RFX1: variants seen among roughly 807,000 people sequenced by gnomAD.
RFX1 encodes the protein regulatory factor X1.
A neutral mutation model predicts 119.6 loss-of-function variants in RFX1; 42 were observed. The ratio of observed to expected loss-of-function variants is 0.35; its 90% CI spans 0.27 to 0.45. The LOEUF is 0.45. Among genes scored for constraint, RFX1 ranks in the 20% least tolerant of loss-of-function variants. The pLI, the probability that RFX1 is intolerant of heterozygous loss-of-function variation, is 1.00. For missense variants in RFX1, 1,118 were observed against 1,368.1 expected, an observed-to-expected ratio of 0.82 and a Z score of 2.88; for synonymous variants, 628 against 618.5, an observed-to-expected ratio of 1.02 and a Z score of -0.23.
Position 13,968,770 on chromosome 19 carries a change from C to T in RFX1, c.1616+5G>A. 6.2e-7 allele frequency: 1 copy of T among 1,601,560 alleles called. No individual in the cohort carries two copies. The highest frequency in any genetic ancestry group is 8.5e-7 in the Non-Finnish European group (1 of 1,174,412). On this transcript the variant is annotated splice_donor_5th_base_variant and intron_variant, in intron 11 of 20. Transcript: ENST00000254325. The surrounding 1 kb of genome is among the most constrained non-coding windows in gnomAD (Gnocchi z 5.5). ...CCTGCCCTGGGTCCGGCCCTGCCTT[C>T]CTACCTCTGCTTCTGCGAGAAGGGC...
At chr19:13,994,014 C>T in intron 1 of RFX1, 119 bp from the exon 2 acceptor site, 1 of 650,954 alleles carries the variant, frequency 1.5e-6, no homozygotes, top group South Asian at 1.9e-5. Flanking sequence ...TGGAGATGTG[C>T]TTGGGTTCAT....
rs1016388005 is a variant in RFX1 at position 13,985,565 on chromosome 19, C to T, written c.320-1970G>A. ...ATCTGTCCAAGGTCAAATGCACCATCCACCGTGCAGGCCATGACGCAGGTT... is the reference window on the plus strand; with the variant it reads ...ATCTGTCCAAGGTCAAATGCACCATTCACCGTGCAGGCCATGACGCAGGTT... On this transcript the variant is annotated intron_variant, in intron 2 of 20. Transcript: ENST00000254325. The surrounding 1 kb of genome is among the most constrained non-coding windows in gnomAD (Gnocchi z 4.3). Among the ~76,000 whole-genome samples the T allele has an allele frequency of 2.0e-5, 3 of 152,240 alleles. No individual in the cohort carries two copies. The highest frequency in any genetic ancestry group is 4.4e-5 in the Non-Finnish European group (3 of 68,048).
intron 8 of RFX1, among the ~76,000 whole-genome samples, chr19:13,975,587 C>G (rs1974231733): frequency 6.6e-6 from 1 of 152,162 alleles, no homozygotes; most frequent in African/African-American, 2.4e-5. Flanking sequence ...CTATGTCTAC[C>G]ACACAAAGTG....
Position 13,990,819 on chromosome 19 carries a change from A to AG in RFX1, c.319+2705dup, listed in dbSNP as rs1402646509. Among the ~76,000 whole-genome samples, 1 of 151,622 alleles carries AG rather than the reference A, an allele frequency of 6.6e-6. No homozygotes were observed. Among genetic ancestry groups the AG allele is most frequent in the Non-Finnish European group, 1.5e-5 (1 of 67,854 alleles). On this transcript the variant is annotated intron_variant, in intron 2 of 20. Transcript: ENST00000254325. The surrounding 1 kb of genome is among the most constrained non-coding windows in gnomAD (Gnocchi z 4.1). ...GTGTCAGAGCGAGACTTTGTCTCAA[A>AG]GAAAAAAAAAAAAATTACCTGGGTG...
Position 13,973,025 on chromosome 19 carries a change from G to A in RFX1, c.1032C>T (p.Pro344=), listed in dbSNP as rs151085501. The stretch of plus-strand genomic sequence containing the variant: ...TGCTGGCCACCGCCTGGGAGGTGGC[G>A]GGGGTGCTGACCTGGGTGGCCGTGC... ...AAGTATQVST[P]ATSQAVASSG... Residue 344 remains proline (P), a synonymous_variant, in exon 9 of 21, where the codon CCC becomes CCT. Transcript: ENST00000254325. 6.4e-3 allele frequency: 10,213 copies of A among 1,601,348 alleles called. 45 individuals are homozygous for A. Among genetic ancestry groups the A allele is most frequent in the Non-Finnish European group, 7.7e-3 (9,054 of 1,179,794 alleles).
chr19:13,968,697 A>G lies in RFX1; in HGVS notation c.1617-17T>C. 1 of 1,612,128 alleles carries G rather than the reference A, an allele frequency of 6.2e-7. No homozygotes were observed. Among genetic ancestry groups the G allele is most frequent in the Middle Eastern group, 1.7e-4 (1 of 6,054 alleles). On this transcript the variant is annotated splice_polypyrimidine_tract_variant and intron_variant, in intron 11 of 20. Coordinates refer to ENST00000254325, the MANE Select transcript of RFX1 (RefSeq NM_002918.5). This position sits in a 1 kb window ranked among gnomAD's most constrained non-coding sequence, Gnocchi z 5.5. ...GGCTTGAGCCTGGAGTAGAATGGGC[A>G]GGTGGGCCGGCTGCTGGGGGCCGGC...
At chr19:13,978,734 T>G (rs1974335722) in intron 7 of RFX1, among the ~76,000 whole-genome samples, 3 of 150,568 alleles carry the variant, frequency 2.0e-5, no homozygotes, top group African/African-American at 7.3e-5. Flanking sequence ...CCCCCGCCCG[T>G]GCGTCCGCCA....
At position 13,994,922 on chromosome 19, in the gene RFX1, AT is replaced by A. The variant is rs1568481449; in HGVS notation, c.-52-1028del. Among the ~76,000 whole-genome samples, 375 of 99,466 alleles carry A rather than the reference AT, an allele frequency of 3.8e-3. 7 individuals are homozygous for A. Among genetic ancestry groups the A allele is most frequent in the African/African-American group, 0.013 (343 of 26,672 alleles). The allele number at this position is 99,466 out of a possible 152,430, so 65.3% of individuals were successfully genotyped here. A position where few individuals can be genotyped will look rare whatever the true frequency, so the allele number is the denominator to read the frequency against. ...TATATATATATATATATATATATAT[AT>A]ATATATATATATATAATCATTTTTT... On this transcript the variant is annotated intron_variant, in intron 1 of 20. Coordinates refer to ENST00000254325, the MANE Select transcript of RFX1 (RefSeq NM_002918.5).
intron 7 of RFX1, 78 bp downstream of exon 7, chr19:13,979,369 G>T: frequency 2.1e-6 from 2 of 934,652 alleles, no homozygotes; most frequent in Non-Finnish European, 1.6e-6. Context: ...CCTCCCTGCG[G>T]CCTCAGGGGC....
Position 13,993,763 on chromosome 19 carries a change from GGGCTGGGCTTGT to G in RFX1, c.69_80del (p.Ala25_Gln28del). On this transcript the variant is annotated inframe_deletion, in exon 2 of 21. Coordinates refer to ENST00000254325, the MANE Select transcript of RFX1 (RefSeq NM_002918.5). ...CTGGGGGTGGTGGCGGTGGCGGCTGGGGCTGGGCTTGTGGCGGGGCCTGTGGCGGCTGGGATG... is the reference window on the plus strand; with the variant it reads ...CTGGGGGTGGTGGCGGTGGCGGCTGGGGCGGGGCCTGTGGCGGCTGGGATG... The G allele has an allele frequency of 6.2e-7, 1 of 1,603,378 alleles. No homozygotes were observed. The highest frequency in any genetic ancestry group is 1.1e-5 in the South Asian group (1 of 89,942).
Position 13,965,509 on chromosome 19 carries a change from G to C in RFX1, c.2151C>G (p.Ser717Arg). 2 of 1,613,942 alleles carry C rather than the reference G, an allele frequency of 1.2e-6. No homozygotes were observed. The highest frequency in any genetic ancestry group is 8.5e-7 in the Non-Finnish European group (1 of 1,179,990). ...LTQAIRNFAK[S>R]LESWLTHAMV... is the part of the protein sequence containing the mutation. ...TGGCGTGGGTGAGCCAGCTCTCCAGGCTCTTGGCAAAGTTCCGGATCGCTT... is the reference window on the plus strand; with the variant it reads ...TGGCGTGGGTGAGCCAGCTCTCCAGCCTCTTGGCAAAGTTCCGGATCGCTT... Residue 717 changes from serine (S) to arginine (R), a missense_variant, in exon 16 of 21, where the codon AGC becomes AGG. Coordinates refer to ENST00000254325, the MANE Select transcript of RFX1 (RefSeq NM_002918.5). The surrounding 1 kb of genome is among the most constrained non-coding windows in gnomAD (Gnocchi z 4.7).
chr19:13,974,259 C>T (rs1395745635), intron 8 of RFX1, among the ~76,000 whole-genome samples: 1 of 152,220 alleles, frequency 6.6e-6, no homozygotes, highest in East Asian at 1.9e-4. Context: ...GAGAAGGCGA[C>T]GCTGTGATTG....
At chr19:13,984,129 A>G (rs1235132177) in intron 2 of RFX1, among the ~76,000 whole-genome samples, 1 of 152,162 alleles carries the variant, frequency 6.6e-6, no homozygotes, top group African/African-American at 2.4e-5. Flanking sequence ...GGGGACCACA[A>G]GGGGCTTGGA....
chr19:13,969,078 G>A lies in RFX1; in HGVS notation c.1497-184C>T, dbSNP rs8100309. Among the ~76,000 whole-genome samples the A allele has an allele frequency of 0.062, 9,513 of 152,308 alleles. 995 individuals are homozygous for A. The highest frequency in any genetic ancestry group is 0.21 in the African/African-American group (8,819 of 41,540). ...CTGTGGGTGTCAGGAGAGATCCAGCGGTTTGCCCAAGATTATGCATAAATG... is the reference window on the plus strand; with the variant it reads ...CTGTGGGTGTCAGGAGAGATCCAGCAGTTTGCCCAAGATTATGCATAAATG... On this transcript the variant is annotated intron_variant, in intron 10 of 20. Coordinates refer to ENST00000254325, the MANE Select transcript of RFX1 (RefSeq NM_002918.5). This position sits in a 1 kb window ranked among gnomAD's most constrained non-coding sequence, Gnocchi z 4.5.
chr19:13,983,416 C>T (rs1045638524), intron 3 of RFX1, 70 bp downstream of exon 3: 4 of 1,315,260 alleles, frequency 3.0e-6, no homozygotes, highest in Non-Finnish European at 4.2e-6. Context: ...GAGGTGAGGC[C>T]CCCGAGGACG....
intron 8 of RFX1, among the ~76,000 whole-genome samples, chr19:13,974,200 A>C (rs1974180628): frequency 6.6e-6 from 1 of 152,140 alleles, no homozygotes; most frequent in Admixed American, 6.6e-5. Flanking sequence ...TGAGTGAAGC[A>C]GGAAGGGGGT....
intron 8 of RFX1, among the ~76,000 whole-genome samples, chr19:13,975,909 A>G (rs566118886): frequency 6.6e-6 from 1 of 152,354 alleles, no homozygotes; most frequent in Admixed American, 6.5e-5. Flanking sequence ...AGTGGCCCCC[A>G]ACAACTTCTC....
At chr19:13,975,615 C>G (rs571723659) in intron 8 of RFX1, among the ~76,000 whole-genome samples, 6 of 152,206 alleles carry the variant, frequency 3.9e-5, no homozygotes, top group Non-Finnish European at 8.8e-5. Context: ...GAGCACATGA[C>G]CTGAGCAAGA....
chr19:14,005,214 G>T (rs1311928472), intron 1 of RFX1, among the ~76,000 whole-genome samples: 1 of 152,120 alleles, frequency 6.6e-6, no homozygotes, highest in Non-Finnish European at 1.5e-5. Context: ...AAGCACTCAG[G>T]TTTCTGTTCC....
Sources: gnomAD v4.1 joint callset for allele counts (sites outside exome capture counted in the v4.1 genomes callset) on GRCh38, gnomAD v4.1.1 for gene constraint, Gnocchi (gnomAD v3.1) non-coding constraint, MANE v1.5 for transcripts, NCBI Gene and HGNC (gene_info 2026-07-23, HGNC 2026-07-21) for gene names.